FAM222B: variants seen among roughly 807,000 people sequenced by gnomAD.
The protein encoded by FAM222B is family with sequence similarity 222 member B.
Under a neutral mutation model 38.0 loss-of-function variants are expected in FAM222B, and 12 were observed. The ratio of observed to expected loss-of-function variants is 0.32; its 90% CI spans 0.20 to 0.51. The LOEUF is 0.51. Among genes scored for constraint, FAM222B ranks in the 20% least tolerant of loss-of-function variants. The pLI, the probability that FAM222B is intolerant of heterozygous loss-of-function variation, is 0.97. For missense variants in FAM222B, 716 were observed against 754.2 expected, an observed-to-expected ratio of 0.95 and a Z score of 0.59; for synonymous variants, 329 against 317.2, an observed-to-expected ratio of 1.04 and a Z score of -0.40.
intron 1 of FAM222B, among the ~76,000 whole-genome samples, chr17:28,813,162 AAAC>A (rs980862529): frequency 6.6e-6 from 1 of 150,850 alleles, no homozygotes; most frequent in African/African-American, 2.4e-5. Flanking sequence ...CAAAAAAAAA[AAAC>A]ACACATAGTT....
At chr17:28,822,763 A>G (rs1464380691) in intron 1 of FAM222B, among the ~76,000 whole-genome samples, 4 of 130,598 alleles carry the variant, frequency 3.1e-5, no homozygotes, top group African/African-American at 1.1e-4. Context: ...AGATCACGCC[A>G]CTGCACTCCA....
Position 28,770,986 on chromosome 17 carries a change from ATG to A in FAM222B, c.-40-4281_-40-4280del, listed in dbSNP as rs925970877. ...TGTATAAATATGTGTGTGTATATAT[ATG>A]TGTGTGTATATATATATATTTTTTC... is the stretch of plus-strand genomic sequence containing the variant. On this transcript the variant is annotated intron_variant, in intron 1 of 2. Transcript: ENST00000581407. 8.6e-5 allele frequency among the ~76,000 whole-genome samples: 13 copies of A among 150,916 alleles called. No homozygotes were observed. The East Asian group carries it at 1.5e-3, about 18-fold the overall frequency.
intron 2 of FAM222B, among the ~76,000 whole-genome samples, 153 bp downstream of exon 2, chr17:28,766,433 G>C (rs1300281275): frequency 6.6e-6 from 1 of 151,762 alleles, no homozygotes; most frequent in African/African-American, 2.4e-5. Context: ...CTCCAGCCTG[G>C]GTGACAAGAG....
chr17:28,840,212 C>G (rs1021092511), intron 1 of FAM222B, among the ~76,000 whole-genome samples: 2 of 151,810 alleles, frequency 1.3e-5, no homozygotes, highest in African/African-American at 2.4e-5. Flanking sequence ...ACTAAAAATA[C>G]AAAAACTAGC....
At chr17:28,796,722 A>G (rs996398919) in intron 1 of FAM222B, among the ~76,000 whole-genome samples, 1 of 145,796 alleles carries the variant, frequency 6.9e-6, no homozygotes, top group African/African-American at 2.5e-5. Flanking sequence ...AGCAAAGATT[A>G]AAAAAAAAAA....
At chr17:28,770,788 T>A (rs1319529295) in intron 1 of FAM222B, among the ~76,000 whole-genome samples, 1 of 151,982 alleles carries the variant, frequency 6.6e-6, no homozygotes, top group Non-Finnish European at 1.5e-5. Context: ...GCCAGGATGG[T>A]CATGATCTCC....
intron 1 of FAM222B, among the ~76,000 whole-genome samples, chr17:28,806,108 C>T (rs1435189285): frequency 2.0e-5 from 3 of 151,648 alleles, no homozygotes; most frequent in Non-Finnish European, 4.4e-5. Flanking sequence ...GCCGAGATCG[C>T]GCCATTGCAC....
rs1296760968 is a variant in FAM222B at position 28,756,458 on chromosome 17, A to G, written c.*1812T>C. 1 of 152,588 alleles carries G rather than the reference A, an allele frequency of 6.6e-6. No homozygotes were observed. Among genetic ancestry groups the G allele is most frequent in the Non-Finnish European group, 1.5e-5 (1 of 68,052 alleles). 9.5% of individuals were successfully genotyped at this position (152,588 alleles called of 1,614,324 possible). A position where few individuals can be genotyped will look rare whatever the true frequency, so the allele number is the denominator to read the frequency against. On this transcript the variant is annotated 3_prime_UTR_variant, in exon 3 of 3. Transcript: ENST00000581407. ...GAGGTATTGGGGAGGAAAAAAAAAT[A>G]CAGCAAGAATATCTGCTTTGGAGAT...
chr17:28,796,411 C>A (rs542426629), intron 1 of FAM222B, among the ~76,000 whole-genome samples: 1 of 152,286 alleles, frequency 6.6e-6, no homozygotes, highest in East Asian at 1.9e-4. Context: ...GGAGAAAAAT[C>A]ATTAACTGGT....
chr17:28,783,137 C>CAAAAAAAAAAAAA (rs74267063), intron 1 of FAM222B, among the ~76,000 whole-genome samples: 1 of 56,336 alleles, frequency 1.8e-5, no homozygotes. Context: ...GACCCTGTCT[C>CAAAAAAAAAAAAA]AAAAAAAAAA....
rs149514635 is a variant in FAM222B, at chr17:28,830,642, C to T, written c.-41+12040G>A. On this transcript the variant is annotated intron_variant, in intron 1 of 2. Transcript: ENST00000581407. ...TTGCTTTTGGTGTCATATCTAAGAA[C>T]TCTTTGCCTAACTCAATGTAATAAG... is the stretch of plus-strand genomic sequence containing the variant. Among the ~76,000 whole-genome samples, 265 of 151,928 alleles carry T rather than the reference C, an allele frequency of 1.7e-3. 1 individual carries two copies. The highest frequency in any genetic ancestry group is 5.7e-3 in the African/African-American group (235 of 41,426).
At chr17:28,779,457 A>T (rs1227655292) in intron 1 of FAM222B, among the ~76,000 whole-genome samples, 5 of 152,092 alleles carry the variant, frequency 3.3e-5, no homozygotes, top group Admixed American at 2.6e-4. Flanking sequence ...CAGATGCAAA[A>T]AAGCATCTGA....
chr17:28,818,344 C>T (rs1048661354), intron 1 of FAM222B, among the ~76,000 whole-genome samples: 1 of 151,890 alleles, frequency 6.6e-6, no homozygotes, highest in African/African-American at 2.4e-5. Flanking sequence ...TGGGCTAACA[C>T]GGTGAAACCC....
intron 2 of FAM222B, among the ~76,000 whole-genome samples, chr17:28,760,753 T>C (rs1381509139): frequency 6.6e-6 from 1 of 152,146 alleles, no homozygotes; most frequent in African/African-American, 2.4e-5. Context: ...GGGATCAGCT[T>C]TCCCTTGCAT....
At chr17:28,814,770 CT>C (rs35921944) in intron 1 of FAM222B, among the ~76,000 whole-genome samples, 1,768 of 117,558 alleles carry the variant, frequency 0.015, 11 homozygotes, top group East Asian at 0.028. Flanking sequence ...CCAGGCCGAT[CT>C]TTTTTTTTTT....
In FAM222B at chr17:28,758,523, T is replaced by G; in HGVS notation, c.1436A>C (p.Gln479Pro). The G allele has an allele frequency of 6.2e-7, 1 of 1,611,378 alleles. No homozygotes were observed. Among genetic ancestry groups the G allele is most frequent in the Middle Eastern group, 1.6e-4 (1 of 6,062 alleles). The change falls in exon 3 of 3, where the codon CAG (glutamine) becomes CCG (proline). Residue 479 changes from glutamine (Q) to proline (P), a missense_variant. Physicochemically the swap from Gln to Pro is moderately conservative, Grantham distance 76. Coordinates refer to ENST00000581407, the MANE Select transcript of FAM222B (RefSeq NM_001077498.3). The stretch of plus-strand genomic sequence containing the variant: ...ACAGTCGAGGGGTGCACCTGTGGGC[T>G]GCCCACCGTGGAACGGCATGGCAAG... ...QDLAMPFHGGQPTGAPLDCAA... is the reference protein window; with the variant it reads ...QDLAMPFHGGPPTGAPLDCAA...
At chr17:28,852,058 AT>A (rs1015064950) in intron 1 of FAM222B, among the ~76,000 whole-genome samples, 1 of 150,902 alleles carries the variant, frequency 6.6e-6, no homozygotes. Context: ...GCTCAAAAAA[AT>A]TTTTTTTTAA....
At chr17:28,781,938 A>C (rs2036183893) in intron 1 of FAM222B, among the ~76,000 whole-genome samples, 1 of 152,216 alleles carries the variant, frequency 6.6e-6, no homozygotes, top group Non-Finnish European at 1.5e-5. Context: ...ACTGTACAAC[A>C]TGGTGACTAT....
upstream of FAM222B, among the ~76,000 whole-genome samples, chr17:28,846,928 G>T (rs1168922377): frequency 6.6e-6 from 1 of 151,900 alleles, no homozygotes; most frequent in Non-Finnish European, 1.5e-5. Flanking sequence ...CTCTGCAAAA[G>T]ATTTAAAAAT....
Sources: allele counts gnomAD v4.1 joint callset (sites outside exome capture counted in the v4.1 genomes callset), GRCh38; gene constraint gnomAD v4.1.1; transcripts MANE v1.5; gene names NCBI Gene and HGNC (gene_info 2026-07-23, HGNC 2026-07-21).